The following MTSS1 variants were observed in gnomAD, a reference collection of about 807,000 sequenced individuals.
MTSS1 encodes MTSS I-BAR domain containing 1.
Under a neutral mutation model 79.0 loss-of-function variants are expected in MTSS1, and 18 were observed. The observed-to-expected ratio is 0.23, with a 90% CI of 0.16 to 0.34. MTSS1 has a LOEUF of 0.34. Among genes scored for constraint, MTSS1 ranks in the 10% least tolerant of loss-of-function variants. MTSS1 has a pLI of 1.00. For synonymous variants in MTSS1, 341 were observed against 368.6 expected (o/e 0.93, Z 0.86); for missense variants, 815 against 986.2 (o/e 0.83, Z 2.33).
chr8:124,642,911 C>T (rs1818319334), intron 3 of MTSS1, among the ~76,000 whole-genome samples: 2 of 152,058 alleles, frequency 1.3e-5, no homozygotes, highest in Admixed American at 6.6e-5. Flanking sequence ...TTCTTAAGCA[C>T]GGTGTTAAAC....
At chr8:124,557,424 G>A (rs912419384) in intron 11 of MTSS1, among the ~76,000 whole-genome samples, 1 of 152,220 alleles carries the variant, frequency 6.6e-6, no homozygotes, top group Non-Finnish European at 1.5e-5. Context: ...CTGCACTGCC[G>A]TCCATCAGGG....
Position 124,683,393 on chromosome 8 carries a change from G to A in MTSS1, c.208+16133C>T, listed in dbSNP as rs575628576. 2.6e-5 allele frequency among the ~76,000 whole-genome samples: 4 copies of A among 152,224 alleles called. No homozygotes were observed. Among genetic ancestry groups the A allele is most frequent in the Non-Finnish European group, 5.9e-5 (4 of 68,006 alleles). On this transcript the variant is annotated intron_variant, in intron 3 of 13. Transcript: ENST00000518547. This position sits in a 1 kb window ranked among gnomAD's most constrained non-coding sequence, Gnocchi z 4.5. ...GCTTTATGTATATATAGATATATAC[G>A]TATATACACATATAGATATGTACAC...
At chr8:124,612,156 T>C (rs1251178833) in intron 3 of MTSS1, among the ~76,000 whole-genome samples, 1 of 152,206 alleles carries the variant, frequency 6.6e-6, no homozygotes, top group Non-Finnish European at 1.5e-5. Flanking sequence ...GGGGTGACAT[T>C]GGACCACTCC....
chr8:124,627,400 C>T (rs1377219579), intron 3 of MTSS1, among the ~76,000 whole-genome samples: 1 of 152,198 alleles, frequency 6.6e-6, no homozygotes, highest in Non-Finnish European at 1.5e-5. Flanking sequence ...TCAAGGCAGG[C>T]ATCTATCCTA....
At chr8:124,567,696 C>T (rs1428017717) in intron 7 of MTSS1, 2 of 1,472,514 alleles carry the variant, frequency 1.4e-6, no homozygotes, top group African/African-American at 1.4e-5. Context: ...ATGGAAGAAA[C>T]ATCCCATGTG....
chr8:124,568,036 G>C (rs1393480645), intron 7 of MTSS1: 3 of 1,134,380 alleles, frequency 2.6e-6, no homozygotes, highest in African/African-American at 3.1e-5. Context: ...CCCACCCCCA[G>C]AGGTTTGGAC....
At chr8:124,675,780 C>G (rs1825174310) in intron 3 of MTSS1, among the ~76,000 whole-genome samples, 1 of 152,238 alleles carries the variant, frequency 6.6e-6, no homozygotes, top group South Asian at 2.1e-4. Flanking sequence ...TTGACTTTCA[C>G]TAACACGTTT....
chr8:124,606,164 GTTTTTTGTTTT>G (rs1834831587), intron 3 of MTSS1, among the ~76,000 whole-genome samples: 3 of 106,060 alleles, frequency 2.8e-5, no homozygotes, highest in Admixed American at 1.9e-4. Flanking sequence ...TCTGTGTTTG[GTTTTTTGTTTT>G]TTTTTTTTTT....
chr8:124,563,014 G>T, intron 9 of MTSS1, 22 bp from the exon 10 acceptor site: 2 of 1,586,156 alleles, frequency 1.3e-6, no homozygotes, highest in Non-Finnish European at 1.7e-6. Flanking sequence ...AAGCAGGGGT[G>T]AGGGGTGGGC....
In MTSS1 at chr8:124,553,564, G is replaced by A. The variant is rs1822946208; in HGVS notation, c.1696C>T (p.Arg566Cys). Residue 566 changes from arginine to cysteine, a missense_variant, in exon 14 of 14, where the codon CGT becomes TGT. Coordinates refer to ENST00000518547, the MANE Select transcript of MTSS1 (RefSeq NM_014751.6). This position sits in a 1 kb window ranked among gnomAD's most constrained non-coding sequence, Gnocchi z 6.0. The part of the protein sequence containing the change: ...QSYRRMFQAK[R>C]PASTAGLPTT... ...GGGAGGCCAGCAGTTGAGGCTGGACGCTTGGCTTGGAACATCCGTCGGTAG... is the reference window on the plus strand; with the variant it reads ...GGGAGGCCAGCAGTTGAGGCTGGACACTTGGCTTGGAACATCCGTCGGTAG... The A allele has an allele frequency of 3.7e-6, 6 of 1,614,078 alleles. No individual in the cohort carries two copies. The highest frequency in any genetic ancestry group is 1.3e-5 in the African/African-American group (1 of 74,922).
chr8:124,643,590 C>T (rs1818448128), intron 3 of MTSS1, among the ~76,000 whole-genome samples: 1 of 149,226 alleles, frequency 6.7e-6, no homozygotes, highest in Non-Finnish European at 1.5e-5. Context: ...CCCAGCTACT[C>T]GGGAGGCTGC....
intron 6 of MTSS1, chr8:124,580,015 C>T (rs1829725493): frequency 6.6e-6 from 1 of 152,324 alleles, no homozygotes; most frequent in Non-Finnish European, 1.5e-5. Flanking sequence ...TTCACAAACT[C>T]TACTGAAATA....
At chr8:124,625,518 A>G (rs1814487645) in intron 3 of MTSS1, among the ~76,000 whole-genome samples, 1 of 152,234 alleles carries the variant, frequency 6.6e-6, no homozygotes, top group Admixed American at 6.5e-5. Flanking sequence ...ATTTTCGGAC[A>G]CAGACGTTCA....
intron 3 of MTSS1, among the ~76,000 whole-genome samples, chr8:124,601,062 A>ATTTTTTTTTTT (rs35966615): frequency 3.4e-5 from 3 of 88,660 alleles, no homozygotes; most frequent in African/African-American, 1.2e-4. Context: ...CTTGACTGTA[A>ATTTTTTTTTTT]TTTTTTTTTT....
intron 5 of MTSS1, among the ~76,000 whole-genome samples, chr8:124,586,028 C>T (rs1028695943): frequency 6.6e-6 from 1 of 152,186 alleles, no homozygotes; most frequent in East Asian, 1.9e-4. Context: ...AAGTGCACCA[C>T]ATCCCCTGCC....
intron 3 of MTSS1, among the ~76,000 whole-genome samples, chr8:124,610,939 G>C (rs1055124553): frequency 6.6e-6 from 1 of 152,170 alleles, no homozygotes; most frequent in South Asian, 2.1e-4. Flanking sequence ...GGAAATCCAT[G>C]GTTGTCACTG....
intron 3 of MTSS1, among the ~76,000 whole-genome samples, chr8:124,601,864 T>C (rs953926051): frequency 3.3e-5 from 5 of 152,174 alleles, no homozygotes; most frequent in African/African-American, 1.2e-4. Context: ...CGCACTGGCA[T>C]GTTTCAGGAT....
chr8:124,589,576 G>A lies in MTSS1; in HGVS notation c.385+44C>T, dbSNP rs539138568. 2.8e-5 allele frequency: 42 copies of A among 1,491,410 alleles called. No homozygotes were observed. The Middle Eastern group carries it at 5.2e-4, about 19-fold the overall frequency. 92.4% of individuals were successfully genotyped at this position (1,491,410 alleles called of 1,614,324 possible). ...GCAGCAGCTGGCAACTTCCCACAGC[G>A]CCCCCCAGCGTGCAGTGATGCGCTA... On this transcript the variant is annotated intron_variant, in intron 5 of 13. Transcript: ENST00000518547.
In MTSS1 at chr8:124,597,673, G is replaced by A. The variant is rs1833003323; in HGVS notation, c.209-6438C>T. On this transcript the variant is annotated intron_variant, in intron 3 of 13. Coordinates refer to ENST00000518547, the MANE Select transcript of MTSS1 (RefSeq NM_014751.6). The surrounding 1 kb of genome is among the most constrained non-coding windows in gnomAD (Gnocchi z 4.6). ...ACAGTGTGGGCAGGTGGCGAGCGAGGACTGAAAAGACGTTTTGTCAGGCCC... is the reference window on the plus strand; with the variant it reads ...ACAGTGTGGGCAGGTGGCGAGCGAGAACTGAAAAGACGTTTTGTCAGGCCC... Among the ~76,000 whole-genome samples, 2 of 152,226 alleles carry A rather than the reference G, an allele frequency of 1.3e-5. No homozygotes were observed. The highest frequency in any genetic ancestry group is 4.1e-4 in the South Asian group (2 of 4,836).
Sources: allele counts gnomAD v4.1 joint callset (sites outside exome capture counted in the v4.1 genomes callset), GRCh38; gene constraint gnomAD v4.1.1; non-coding constraint Gnocchi (gnomAD v3.1); transcripts MANE v1.5; gene names NCBI Gene and HGNC (gene_info 2026-07-23, HGNC 2026-07-21).